The following ZDHHC3 variants were observed in gnomAD, a reference collection of about 807,000 sequenced individuals.
ZDHHC3 encodes zDHHC palmitoyltransferase 3.
ZDHHC3 carries 9 observed loss-of-function variants against 30.6 expected under a neutral mutation model. The ratio of observed to expected loss-of-function variants is 0.29; its 90% confidence interval spans 0.18 to 0.51. ZDHHC3 has a LOEUF of 0.51. Ranked by LOEUF, ZDHHC3 falls within the 20% of genes least tolerant of loss-of-function variation. The probability of loss-of-function intolerance (pLI) is 0.97; values close to 1 mark genes in which losing one functional copy is unlikely to be tolerated. For missense variants in ZDHHC3, 246 were observed against 384.2 expected, an observed-to-expected ratio of 0.64 and a Z score of 3.01; for synonymous variants, 136 against 140.2, an observed-to-expected ratio of 0.97 and a Z score of 0.21.
At chr3:44,937,554 T>A (rs987915291) in intron 3 of ZDHHC3, 1 of 143,846 alleles carries the variant, frequency 7.0e-6, no homozygotes, top group Non-Finnish European at 1.5e-5. Flanking sequence ...AATAAGTTTT[T>A]TTTTTTTTTT....
intron 6 of ZDHHC3, among the ~76,000 whole-genome samples, chr3:44,928,909 C>T (rs1373190153): frequency 6.6e-6 from 1 of 152,196 alleles, no homozygotes; most frequent in African/African-American, 2.4e-5. Flanking sequence ...CTGCCTGTCC[C>T]AGCTGGGTTA....
Position 44,917,817 on chromosome 3 carries a change from A to G in ZDHHC3, c.*8872T>C, listed in dbSNP as rs1259195083. 7.9e-7 allele frequency: 1 copy of G among 1,261,050 alleles called. No homozygotes were observed. The highest frequency in any genetic ancestry group is 1.0e-6 in the Non-Finnish European group (1 of 971,940). The allele number at this position is 1,261,050 out of a possible 1,614,324, so 78.1% of individuals were successfully genotyped here. On this transcript the variant is annotated 3_prime_UTR_variant, in exon 7 of 7. Transcript: ENST00000424952. ...GGGGTGCTGGGAGCGCACCATGCCCATAAGCCCCTTTAGCCAAAACCCCAG... is the reference window on the plus strand; with the variant it reads ...GGGGTGCTGGGAGCGCACCATGCCCGTAAGCCCCTTTAGCCAAAACCCCAG...
chr3:44,958,758 G>A, intron 2 of ZDHHC3: 2 of 1,254,590 alleles, frequency 1.6e-6, no homozygotes, highest in Non-Finnish European at 2.2e-6. Flanking sequence ...GCCCAATCCT[G>A]ACCCAACCCT....
At chr3:44,948,620 C>T (rs1358629785) in intron 2 of ZDHHC3, among the ~76,000 whole-genome samples, 1 of 152,166 alleles carries the variant, frequency 6.6e-6, no homozygotes, top group Admixed American at 6.5e-5. Flanking sequence ...GCCACCAGTG[C>T]GTCAGGAGCT....
intron 4 of ZDHHC3, 109 bp downstream of exon 4, chr3:44,933,779 G>T: frequency 1.0e-6 from 1 of 991,074 alleles, no homozygotes; most frequent in South Asian, 1.4e-5. Flanking sequence ...GATCTACAGG[G>T]CCAGGCAGTA....
chr3:44,954,525 C>T (rs1703757256), intron 2 of ZDHHC3, among the ~76,000 whole-genome samples: 1 of 152,160 alleles, frequency 6.6e-6, no homozygotes, highest in Admixed American at 6.5e-5. Context: ...ATGATGTTTG[C>T]ACAATGGTCA....
At chr3:44,950,630 G>C (rs1228895965) in intron 2 of ZDHHC3, among the ~76,000 whole-genome samples, 1 of 152,206 alleles carries the variant, frequency 6.6e-6, no homozygotes, top group Non-Finnish European at 1.5e-5. Context: ...CAGAGCCAGA[G>C]AGCAGCTGGG....
At chr3:44,940,727 A>G (rs1045157495) in intron 3 of ZDHHC3, among the ~76,000 whole-genome samples, 1 of 152,100 alleles carries the variant, frequency 6.6e-6, no homozygotes, top group Non-Finnish European at 1.5e-5. Flanking sequence ...TCAGGCCTCA[A>G]ACCTTGGTAG....
At position 44,922,449 on chromosome 3, in the gene ZDHHC3, C is replaced by T. The variant is rs1436124960; in HGVS notation, c.*4240G>A. 1.0e-6 allele frequency: 1 copy of T among 985,314 alleles called. No homozygotes were observed. The highest frequency in any genetic ancestry group is 1.2e-6 in the Non-Finnish European group (1 of 829,946). 61.0% of individuals were successfully genotyped at this position (985,314 alleles called of 1,614,324 possible). ...TGGGCAGGCTAATAATTTGGATCTG[C>T]TTCATACAGACTTTCTTTGATGTCT... On this transcript the variant is annotated 3_prime_UTR_variant, in exon 7 of 7. Transcript: ENST00000424952.
chr3:44,938,673 T>C (rs1024646752), intron 3 of ZDHHC3, among the ~76,000 whole-genome samples: 1 of 152,114 alleles, frequency 6.6e-6, no homozygotes, highest in African/African-American at 2.4e-5. Flanking sequence ...GGGCTGGGCG[T>C]TGGGGCCTTG....
Position 44,923,444 on chromosome 3 carries a change from C to T in ZDHHC3, c.*3245G>A, listed in dbSNP as rs376131487. ...CCTAAACGGTTTCTGCATTAGGGGA[C>T]GGTGGATTCTAACTATTTAAGTGGC... is the stretch of plus-strand genomic sequence containing the variant. On this transcript the variant is annotated 3_prime_UTR_variant, in exon 7 of 7. Coordinates refer to ENST00000424952, the MANE Select transcript of ZDHHC3 (RefSeq NM_001135179.2). 28 of 985,178 alleles carry T rather than the reference C, an allele frequency of 2.8e-5. No homozygotes were observed. The highest frequency in any genetic ancestry group is 3.1e-5 in the Non-Finnish European group (26 of 829,910). 61.0% of individuals were successfully genotyped at this position (985,178 alleles called of 1,614,324 possible).
chr3:44,934,340 C>T (rs947239281), intron 3 of ZDHHC3, among the ~76,000 whole-genome samples: 3 of 151,872 alleles, frequency 2.0e-5, no homozygotes, highest in African/African-American at 7.3e-5. Flanking sequence ...AAAAACTTGA[C>T]CAAGTGGGCT....
chr3:44,941,318 G>A (rs1444559316), intron 3 of ZDHHC3, among the ~76,000 whole-genome samples: 1 of 152,158 alleles, frequency 6.6e-6, no homozygotes, highest in Non-Finnish European at 1.5e-5. Flanking sequence ...TTTTGGGAAG[G>A]ACAGTGCAGT....
chr3:44,971,497 C>G (rs1226232332), intron 1 of ZDHHC3, among the ~76,000 whole-genome samples: 3 of 152,190 alleles, frequency 2.0e-5, no homozygotes, highest in African/African-American at 7.2e-5. Context: ...CAGGAAGGAA[C>G]TAAAGGCAGC....
At position 44,926,391 on chromosome 3, in the gene ZDHHC3, C is replaced by G; in HGVS notation, c.*298G>C. 9.0e-7 allele frequency: 1 copy of G among 1,114,496 alleles called. No homozygotes were observed. The highest frequency in any genetic ancestry group is 3.7e-5 in the South Asian group (1 of 27,304). 69.0% of individuals were successfully genotyped at this position (1,114,496 alleles called of 1,614,324 possible). On this transcript the variant is annotated 3_prime_UTR_variant, in exon 7 of 7. Transcript: ENST00000424952. Reference sequence around the variant, plus strand: ...AGAATGGGCACAGCGCGAGACAGCGCCCTCTACATTAGTCATGCCAGACAG... The same window carrying G: ...AGAATGGGCACAGCGCGAGACAGCGGCCTCTACATTAGTCATGCCAGACAG...
At chr3:44,946,034 A>G (rs1559689570) in intron 2 of ZDHHC3, among the ~76,000 whole-genome samples, 1 of 152,126 alleles carries the variant, frequency 6.6e-6, no homozygotes, top group Non-Finnish European at 1.5e-5. Flanking sequence ...CTCCCTTTCT[A>G]AGTTTCACTG....
intron 2 of ZDHHC3, among the ~76,000 whole-genome samples, chr3:44,948,360 T>C (rs1025875745): frequency 3.9e-5 from 6 of 152,124 alleles, no homozygotes; most frequent in Admixed American, 3.3e-4. Context: ...GAAAAATCTT[T>C]AAGTGCTGGA....
Position 44,958,655 on chromosome 3 carries a change from A to G in ZDHHC3, c.306+476T>C. 4.6e-6 allele frequency: 7 copies of G among 1,536,172 alleles called. No individual in the cohort carries two copies. In the East Asian group the frequency reaches 1.2e-4, roughly 27 times the overall value. On this transcript the variant is annotated intron_variant, in intron 2 of 6. Coordinates refer to ENST00000424952, the MANE Select transcript of ZDHHC3 (RefSeq NM_001135179.2). ...TTCAGGAAAAGATGCACCTCGCCCA[A>G]GCAAAGTGAAGGCCATTTCCGTGCA... is the stretch of plus-strand genomic sequence containing the variant.
chr3:44,958,314 T>TC (rs1704133717), intron 2 of ZDHHC3, among the ~76,000 whole-genome samples: 1 of 152,274 alleles, frequency 6.6e-6, no homozygotes, highest in Non-Finnish European at 1.5e-5. Context: ...TACTGCACTT[T>TC]CCCTGGGGCT....
Sources: allele counts gnomAD v4.1 joint callset (sites outside exome capture counted in the v4.1 genomes callset), GRCh38; gene constraint gnomAD v4.1.1; transcripts MANE v1.5; gene names NCBI Gene and HGNC (gene_info 2026-07-23, HGNC 2026-07-21).